Variants in PLAGL1 observed in about 807,000 individuals in gnomAD.
PLAGL1 encodes the protein PLAG1 like zinc finger 1, also known as zinc finger protein PLAGL1.
Under a neutral mutation model 4.6 loss-of-function variants are expected in PLAGL1, and 1 was observed. That is an observed-to-expected ratio of 0.22 (90% CI 0.08 to 1.03). The LOEUF (loss-of-function observed/expected upper bound fraction) is 1.03, where lower values mean the gene tolerates loss of function less well. Among genes scored for constraint, PLAGL1 ranks in the 50% least tolerant of loss-of-function variants. PLAGL1 has a pLI of 0.58. For synonymous variants in PLAGL1, 240 were observed against 237.8 expected (o/e 1.01, Z -0.08); for missense variants, 464 against 570.4 (o/e 0.81, Z 1.90).
intron 1 of PLAGL1, among the ~76,000 whole-genome samples, chr6:144,042,445 T>G (rs1245086781): frequency 2.0e-5 from 3 of 152,184 alleles, no homozygotes; most frequent in Non-Finnish European, 4.4e-5. Flanking sequence ...TTTCCCCATT[T>G]CTTGTTTTTG....
chr6:143,996,976 G>T (rs1353541952), intron 1 of PLAGL1, among the ~76,000 whole-genome samples: 3 of 151,976 alleles, frequency 2.0e-5, no homozygotes, highest in Non-Finnish European at 4.4e-5. Flanking sequence ...TTCTTAAACA[G>T]GACAAAAGAC....
In PLAGL1 at chr6:143,945,413, A is replaced by G. The variant is rs1779536509; in HGVS notation, c.152+2572T>C. 6.6e-6 allele frequency among the ~76,000 whole-genome samples: 1 copy of G among 151,882 alleles called. No homozygotes were observed. The highest frequency in any genetic ancestry group is 1.5e-5 in the Non-Finnish European group (1 of 68,028). On this transcript the variant is annotated intron_variant, in intron 7 of 7. Coordinates refer to ENST00000674357, the MANE Select transcript of PLAGL1 (RefSeq NM_001317162.2). The surrounding 1 kb of genome is among the most constrained non-coding windows in gnomAD (Gnocchi z 4.2). ...TCTAACTGGTTTCATTATATGCTGTACTGGGACCCACATTCTGTTTTCTGG... is the reference window on the plus strand; with the variant it reads ...TCTAACTGGTTTCATTATATGCTGTGCTGGGACCCACATTCTGTTTTCTGG...
rs1200304019 is a variant in PLAGL1 at position 143,941,033 on chromosome 6, A to G, written c.*391T>C. 2 of 158,288 alleles carry G rather than the reference A, an allele frequency of 1.3e-5. No individual in the cohort carries two copies. The highest frequency in any genetic ancestry group is 6.5e-5 in the Admixed American group (1 of 15,462). The allele number at this position is 158,288 out of a possible 1,614,324, so 9.8% of individuals were successfully genotyped here. ...ATTTTCTTATTTTGAAAATTCTCCC[A>G]GATTTGGAGAAATCCAAACCTTTCC... On this transcript the variant is annotated 3_prime_UTR_variant, in exon 8 of 8. Coordinates refer to ENST00000674357, the MANE Select transcript of PLAGL1 (RefSeq NM_001317162.2). The surrounding 1 kb of genome is among the most constrained non-coding windows in gnomAD (Gnocchi z 6.0).
intron 7 of PLAGL1, among the ~76,000 whole-genome samples, chr6:143,944,984 A>T (rs1419381364): frequency 1.3e-5 from 2 of 152,244 alleles, no homozygotes; most frequent in East Asian, 3.9e-4. Flanking sequence ...CACCTGTACT[A>T]CCTGTAAGTG....
chr6:144,002,282 G>C (rs1480024940), intron 1 of PLAGL1, among the ~76,000 whole-genome samples: 2 of 151,982 alleles, frequency 1.3e-5, no homozygotes, highest in African/African-American at 2.4e-5. Flanking sequence ...CCTCAATCTG[G>C]TAAAGAACAT....
Position 143,942,576 on chromosome 6 carries a change from G to A in PLAGL1, c.240C>T (p.His80=), listed in dbSNP as rs1778873698. The change falls in exon 8 of 8, where the codon CAC becomes CAT. Residue 80 remains histidine, a synonymous_variant. Coordinates refer to ENST00000674357, the MANE Select transcript of PLAGL1 (RefSeq NM_001317162.2). This position sits in a 1 kb window ranked among gnomAD's most constrained non-coding sequence, Gnocchi z 7.6. Reference sequence around the variant, plus strand: ...TTTTGTTGGGGTCGTGGGTCTGGAGGTGGTTTTTCAGGTGGTCTTTCCGGT... The same window carrying A: ...TTTTGTTGGGGTCGTGGGTCTGGAGATGGTTTTTCAGGTGGTCTTTCCGGT... ...TFNRKDHLKN[H]LQTHDPNKMA... 2.5e-6 allele frequency: 4 copies of A among 1,614,138 alleles called. No individual in the cohort carries two copies. Among genetic ancestry groups the A allele is most frequent in the African/African-American group, 1.3e-5 (1 of 75,042 alleles).
chr6:144,002,929 T>G (rs1793232697), intron 1 of PLAGL1, among the ~76,000 whole-genome samples: 1 of 151,132 alleles, frequency 6.6e-6, no homozygotes, highest in African/African-American at 2.4e-5. Flanking sequence ...ATTTGAAAAT[T>G]TATATGGAAA....
Position 143,961,374 on chromosome 6 carries a change from A to G in PLAGL1, c.-398-832T>C, listed in dbSNP as rs914130949. The G allele has an allele frequency of 2.0e-5, 3 of 152,228 alleles. No homozygotes were observed. The highest frequency in any genetic ancestry group is 7.2e-5 in the African/African-American group (3 of 41,456). The allele number at this position is 152,228 out of a possible 1,614,324, so 9.4% of individuals were successfully genotyped here. ...TAGTACAAAGGCAAATCTGCTATGG[A>G]ACAAAGCCAATTTATATCTCGCCTA... is the stretch of plus-strand genomic sequence containing the variant. On this transcript the variant is annotated intron_variant, in intron 5 of 7. Transcript: ENST00000674357. The surrounding 1 kb of genome is among the most constrained non-coding windows in gnomAD (Gnocchi z 6.5).
In PLAGL1 at chr6:143,970,652, A is replaced by G. The variant is rs1785252873; in HGVS notation, c.-543-1674T>C. ...GGGAAATATCTGGTATTTTTCTACT[A>G]GGAAGTTAGCTTACGTAGATTAACA... is the stretch of plus-strand genomic sequence containing the variant. On this transcript the variant is annotated intron_variant, in intron 2 of 7. Coordinates refer to ENST00000674357, the MANE Select transcript of PLAGL1 (RefSeq NM_001317162.2). This position sits in a 1 kb window ranked among gnomAD's most constrained non-coding sequence, Gnocchi z 5.8. 6.6e-6 allele frequency among the ~76,000 whole-genome samples: 1 copy of G among 152,230 alleles called. No individual in the cohort carries two copies. The highest frequency in any genetic ancestry group is 2.1e-4 in the South Asian group (1 of 4,836).
At chr6:144,017,767 C>A (rs2128695014) in intron 1 of PLAGL1, among the ~76,000 whole-genome samples, 1 of 152,322 alleles carries the variant, frequency 6.6e-6, no homozygotes, top group Middle Eastern at 3.4e-3. Flanking sequence ...CTTCAACAAC[C>A]AGGATCTGCT....
chr6:143,944,626 T>G (rs1319712554), intron 7 of PLAGL1, among the ~76,000 whole-genome samples: 1 of 152,056 alleles, frequency 6.6e-6, no homozygotes, highest in Non-Finnish European at 1.5e-5. Flanking sequence ...ACGTTCTAGG[T>G]CTATCTAAAT....
In PLAGL1 at chr6:144,036,924, A is replaced by T; in HGVS notation, c.-151+27544T>A. On this transcript the variant is annotated intron_variant, in intron 1 of 3. Coordinates refer to the PLAGL1 transcript ENST00000437412. This position sits in a 1 kb window ranked among gnomAD's most constrained non-coding sequence, Gnocchi z 5.1. ...ACCAGACATTGCTGTGATGAATTAT[A>T]TGCCCTGGAGAGAGGCAGAAAGTGA... 1 of 218,750 alleles carries T rather than the reference A, an allele frequency of 4.6e-6. No individual in the cohort carries two copies. Among genetic ancestry groups the T allele is most frequent in the Non-Finnish European group, 9.3e-6 (1 of 107,406 alleles). 13.6% of individuals were successfully genotyped at this position (218,750 alleles called of 1,614,324 possible). A position where few individuals can be genotyped will look rare whatever the true frequency, so the allele number is the denominator to read the frequency against.
rs1788243411 is a variant in PLAGL1 at position 143,982,777 on chromosome 6, T to G, written c.-544+2358A>C. On this transcript the variant is annotated intron_variant, in intron 2 of 7. Coordinates refer to ENST00000674357, the MANE Select transcript of PLAGL1 (RefSeq NM_001317162.2). This position sits in a 1 kb window ranked among gnomAD's most constrained non-coding sequence, Gnocchi z 5.3. ...TGCAAAGGCACCTGGCCTGTGCAAC[T>G]GGAAGAAGAGTCTTCCTCATCTCGG... Among the ~76,000 whole-genome samples, 1 of 152,066 alleles carries G rather than the reference T, an allele frequency of 6.6e-6. No individual in the cohort carries two copies. Among genetic ancestry groups the G allele is most frequent in the Admixed American group, 6.6e-5 (1 of 15,254 alleles).
intron 1 of PLAGL1, among the ~76,000 whole-genome samples, chr6:143,992,698 A>G (rs1293846536): frequency 6.6e-6 from 1 of 152,178 alleles, no homozygotes; most frequent in Non-Finnish European, 1.5e-5. Context: ...AGAAAAAACA[A>G]TTGAAATATG....
chr6:143,977,117 T>C (rs544841117), intron 2 of PLAGL1, among the ~76,000 whole-genome samples: 5 of 138,202 alleles, frequency 3.6e-5, no homozygotes, highest in Non-Finnish European at 3.1e-5. Flanking sequence ...TTCTCCATTA[T>C]CGACATCCCC....
intron 1 of PLAGL1, among the ~76,000 whole-genome samples, chr6:144,054,776 AGTGT>A (rs55975441): frequency 0.041 from 5,834 of 142,148 alleles, 108 homozygotes; most frequent in East Asian, 0.088. Context: ...ACTAAAAAAG[AGTGT>A]GTGTGTGTGT....
chr6:144,014,752 G>A (rs566616945), intron 1 of PLAGL1, among the ~76,000 whole-genome samples: 1 of 151,982 alleles, frequency 6.6e-6, no homozygotes, highest in Non-Finnish European at 1.5e-5. Context: ...GCTAATTTTT[G>A]TATTTTTAGT....
chr6:143,977,470 C>CTTTTTTTTTTTTTTTT (rs34750629), intron 2 of PLAGL1, among the ~76,000 whole-genome samples: 4 of 69,312 alleles, frequency 5.8e-5, no homozygotes, highest in Non-Finnish European at 1.0e-4. Context: ...TCTTCTTCTT[C>CTTTTTTTTTTTTTTTT]TTTTTTTTTT....
At chr6:143,986,794 G>A (rs1789275535) in intron 1 of PLAGL1, among the ~76,000 whole-genome samples, 1 of 152,154 alleles carries the variant, frequency 6.6e-6, no homozygotes, top group African/African-American at 2.4e-5. Flanking sequence ...AAAGGCGCCT[G>A]CTCAATAAGC....
Sources: gnomAD v4.1 joint callset for allele counts (sites outside exome capture counted in the v4.1 genomes callset) on GRCh38, gnomAD v4.1.1 for gene constraint, Gnocchi (gnomAD v3.1) non-coding constraint, MANE v1.5 for transcripts, NCBI Gene and HGNC (gene_info 2026-07-23, HGNC 2026-07-21) for gene names.